KMT2C: variants seen among roughly 807,000 people sequenced by gnomAD.
KMT2C encodes histone-lysine N-methyltransferase 2C.
A neutral mutation model predicts 507.9 loss-of-function variants in KMT2C; 88 were observed. The observed-to-expected ratio is 0.17, with a 90% CI of 0.15 to 0.21. The LOEUF is 0.21. Ranked by LOEUF, KMT2C falls within the 10% of genes least tolerant of loss-of-function variation. KMT2C has a pLI of 1.00. For synonymous variants in KMT2C, 2,049 were observed against 2,080.8 expected (o/e 0.98, Z 0.42); for missense variants, 4,954 against 5,957.8 (o/e 0.83, Z 5.55).
intron 1 of KMT2C, among the ~76,000 whole-genome samples, chr7:152,411,589 C>T (rs1290630489): frequency 1.3e-5 from 2 of 152,140 alleles, no homozygotes; most frequent in African/African-American, 4.8e-5. Context: ...CGACGTAAAG[C>T]AGGCACCTAA....
intron 30 of KMT2C, 40 bp from the exon 31 acceptor site, chr7:152,194,168 T>C: frequency 6.4e-7 from 1 of 1,567,390 alleles, no homozygotes; most frequent in African/African-American, 1.4e-5. Context: ...ATTAAAAGAC[T>C]AGTAGGGTCC....
intron 23 of KMT2C, among the ~76,000 whole-genome samples, chr7:152,208,485 T>A (rs1331235826): frequency 1.3e-5 from 2 of 152,208 alleles, no homozygotes; most frequent in Non-Finnish European, 2.9e-5. Context: ...ATATTCTCCA[T>A]GAGAACAGGT....
At chr7:152,198,594 CA>C (rs1256487124) in intron 27 of KMT2C, among the ~76,000 whole-genome samples, 1 of 152,190 alleles carries the variant, frequency 6.6e-6, no homozygotes, top group Admixed American at 6.5e-5. Flanking sequence ...GCCTTGCTGA[CA>C]TTGCTGTAAC....
At chr7:152,428,670 G>A (rs556291339) in intron 1 of KMT2C, among the ~76,000 whole-genome samples, 23 of 151,408 alleles carry the variant, frequency 1.5e-4, no homozygotes, top group African/African-American at 3.9e-4. Flanking sequence ...CCAAATTTCC[G>A]CCCTCTTGAA....
intron 2 of KMT2C, among the ~76,000 whole-genome samples, chr7:152,349,565 T>G (rs944926298): frequency 3.3e-5 from 5 of 152,108 alleles, no homozygotes; most frequent in African/African-American, 1.2e-4. Flanking sequence ...TTCAAACTAT[T>G]TGACACTCTG....
chr7:152,362,094 T>G (rs1200416462), intron 1 of KMT2C, among the ~76,000 whole-genome samples: 1 of 152,154 alleles, frequency 6.6e-6, no homozygotes, highest in African/African-American at 2.4e-5. Context: ...AAACAAGTAT[T>G]ACACATACAA....
At chr7:152,307,333 A>AGAGGGAGG (rs570606244) in intron 6 of KMT2C, among the ~76,000 whole-genome samples, 5 of 108,030 alleles carry the variant, frequency 4.6e-5, no homozygotes, top group South Asian at 3.5e-4. Context: ...GAGGAAGGAA[A>AGAGGGAGG]GAGGGAGGGA....
intron 46 of KMT2C, chr7:152,154,815 T>G (rs1182596775): frequency 5.9e-6 from 1 of 168,392 alleles, no homozygotes; most frequent in African/African-American, 2.4e-5. Context: ...GAGCTGCTGG[T>G]TGGATTTAAC....
chr7:152,316,472 C>T (rs1403035992), intron 3 of KMT2C, among the ~76,000 whole-genome samples: 4 of 152,114 alleles, frequency 2.6e-5, no homozygotes, highest in Non-Finnish European at 5.9e-5. Flanking sequence ...AGAATATACA[C>T]TTACTAAGAG....
intron 27 of KMT2C, among the ~76,000 whole-genome samples, chr7:152,199,066 G>A (rs1323075395): frequency 2.0e-5 from 3 of 152,164 alleles, no homozygotes; most frequent in African/African-American, 7.2e-5. Context: ...AACTCTTGAT[G>A]TTGGTACTAG....
chr7:152,381,879 C>T (rs372473101), intron 1 of KMT2C, among the ~76,000 whole-genome samples: 1 of 152,130 alleles, frequency 6.6e-6, no homozygotes, highest in Non-Finnish European at 1.5e-5. Context: ...CACATTTCAA[C>T]GGATCCTTTT....
At chr7:152,165,874 G>A (rs2092705066) in intron 42 of KMT2C, among the ~76,000 whole-genome samples, 2 of 151,976 alleles carry the variant, frequency 1.3e-5, no homozygotes, top group Non-Finnish European at 2.9e-5. Context: ...ATTTTTAGTA[G>A]AGACGAGTTT....
In KMT2C at chr7:152,311,892, T is replaced by G. The variant is rs1437940091; in HGVS notation, c.645A>C (p.Thr215=). ...IVSCVSVSTQ[T]ASDDQAGKLW... ...GTTTACCAGCTTGATCATCTGAAGC[T>G]GTCTGGGTGCTTACACTTACACAAG... Residue 215 remains threonine (T), a synonymous_variant, in exon 5 of 59, where the codon ACA becomes ACC. Coordinates refer to ENST00000262189, the MANE Select transcript of KMT2C (RefSeq NM_170606.3). The G allele has an allele frequency of 6.2e-7, 1 of 1,611,204 alleles. No homozygotes were observed. The highest frequency in any genetic ancestry group is 2.2e-5 in the East Asian group (1 of 44,858).
chr7:152,329,388 G>A (rs978188810), intron 3 of KMT2C, among the ~76,000 whole-genome samples: 3 of 151,646 alleles, frequency 2.0e-5, no homozygotes, highest in African/African-American at 4.8e-5. Flanking sequence ...AACATAAAGA[G>A]ACCCAGTCTC....
chr7:152,337,837 A>G (rs1047883063), intron 2 of KMT2C, among the ~76,000 whole-genome samples: 5 of 150,196 alleles, frequency 3.3e-5, no homozygotes, highest in African/African-American at 4.9e-5. Flanking sequence ...TCACTTGTCC[A>G]CCTCACTTAT....
At position 152,167,453 on chromosome 7, in the gene KMT2C, G is replaced by C. The variant is rs1453672547; in HGVS notation, c.9518-75C>G. ...ATTATAAGTTACACAAATCTATTTT[G>C]TAAGGAAGTAGTTTCACCATGACCA... On this transcript the variant is annotated intron_variant, in intron 41 of 58. Transcript: ENST00000262189. The C allele has an allele frequency of 4.0e-6, 4 of 992,606 alleles. No homozygotes were observed. The African/African-American group carries it at 4.8e-5, about 12-fold the overall frequency. 61.5% of individuals were successfully genotyped at this position (992,606 alleles called of 1,614,324 possible). A position where few individuals can be genotyped will look rare whatever the true frequency, so the allele number is the denominator to read the frequency against.
chr7:152,187,935 T>A, intron 31 of KMT2C, 88 bp from the exon 32 acceptor site: 1 of 1,238,124 alleles, frequency 8.1e-7, no homozygotes, highest in Non-Finnish European at 1.2e-6. Context: ...ACATGGTTTT[T>A]AACTGCATGG....
At chr7:152,296,289 C>A (rs544638661) in intron 6 of KMT2C, among the ~76,000 whole-genome samples, 7 of 151,454 alleles carry the variant, frequency 4.6e-5, no homozygotes, top group Admixed American at 4.6e-4. Flanking sequence ...CAAAAATTAA[C>A]CGGGCGTGGT....
intron 23 of KMT2C, among the ~76,000 whole-genome samples, chr7:152,219,789 C>G (rs1162488545): frequency 2.0e-5 from 3 of 151,890 alleles, no homozygotes; most frequent in South Asian, 2.1e-4. Context: ...ATGGTTTGAG[C>G]CCAGGAGTTC....
Sources: allele counts gnomAD v4.1 joint callset (sites outside exome capture counted in the v4.1 genomes callset), GRCh38; gene constraint gnomAD v4.1.1; transcripts MANE v1.5; gene names NCBI Gene and HGNC (gene_info 2026-07-23, HGNC 2026-07-21).